The following TMEM230 variants were observed in gnomAD, a reference collection of about 807,000 sequenced individuals.
TMEM230 encodes the protein transmembrane protein 230.
In TMEM230, 10 loss-of-function variants were observed where a neutral mutation model predicts 15.8. The observed-to-expected ratio is 0.63, with a 90% CI of 0.39 to 1.07. The LOEUF (loss-of-function observed/expected upper bound fraction) is 1.07, where lower values mean the gene tolerates loss of function less well. Among genes scored for constraint, TMEM230 ranks in the 50% least tolerant of loss-of-function variants. TMEM230 has a pLI of 0.01. For synonymous variants in TMEM230, 67 were observed against 76.9 expected (o/e 0.87, Z 0.68); for missense variants, 165 against 193.3 (o/e 0.85, Z 0.87).
chr20:5,085,380 C>G (rs1413362943), intron 3 of TMEM230, among the ~76,000 whole-genome samples: 1 of 152,140 alleles, frequency 6.6e-6, no homozygotes, highest in East Asian at 1.9e-4. Flanking sequence ...CCTCTGCCTC[C>G]TGGATTCAAA....
intron 3 of TMEM230, among the ~76,000 whole-genome samples, chr20:5,071,684 A>G (rs1337462020): frequency 1.3e-5 from 2 of 152,022 alleles, no homozygotes; most frequent in East Asian, 3.9e-4. Context: ...CGTATATAGC[A>G]AGGTGAATAC....
At chr20:5,080,036 A>G (rs923569733) in intron 3 of TMEM230, among the ~76,000 whole-genome samples, 2 of 152,258 alleles carry the variant, frequency 1.3e-5, no homozygotes, top group African/African-American at 4.8e-5. Context: ...AAGCTGGGTT[A>G]CTATCTTCAG....
chr20:5,072,251 T>A (rs2088850641), intron 3 of TMEM230, among the ~76,000 whole-genome samples: 1 of 151,838 alleles, frequency 6.6e-6, no homozygotes, highest in Non-Finnish European at 1.5e-5. Flanking sequence ...GGGGCCTCAC[T>A]GTGTGGTCCA....
chr20:5,066,646 G>A (rs141155969), downstream of TMEM230, among the ~76,000 whole-genome samples: 963 of 145,362 alleles, frequency 6.6e-3, 10 homozygotes, highest in African/African-American at 0.024. Flanking sequence ...CAGCCTGGGC[G>A]ATAGAGCGAG....
chr20:5,077,308 AAAAAC>A (rs370223220), intron 3 of TMEM230, among the ~76,000 whole-genome samples: 436 of 152,202 alleles, frequency 2.9e-3, no homozygotes, highest in African/African-American at 9.8e-3. Context: ...ACCCTGTCTC[AAAAAC>A]AAAACAAAAC....
intron 2 of TMEM230, chr20:5,111,049 G>C (rs540328738): frequency 6.6e-6 from 1 of 152,068 alleles, no homozygotes; most frequent in African/African-American, 2.4e-5. Flanking sequence ...AGGTGCAGTG[G>C]CACACACCTG....
At chr20:5,090,692 C>T (rs893649074) in intron 3 of TMEM230, among the ~76,000 whole-genome samples, 1 of 151,812 alleles carries the variant, frequency 6.6e-6, no homozygotes, top group African/African-American at 2.4e-5. Flanking sequence ...CTATGAATAG[C>T]GTTTGTGTAT....
At chr20:5,065,433 A>G (rs890117851), downstream of TMEM230, among the ~76,000 whole-genome samples, 6 of 152,152 alleles carry the variant, frequency 3.9e-5, no homozygotes, top group African/African-American at 7.2e-5. Context: ...TGTGATTTCC[A>G]TGATCCATTT....
intron 4 of TMEM230, among the ~76,000 whole-genome samples, chr20:5,103,915 G>T (rs546176036): frequency 6.6e-6 from 1 of 151,974 alleles, no homozygotes; most frequent in African/African-American, 2.4e-5. Context: ...AAAAGCACAA[G>T]CAACCAAAAC....
chr20:5,078,850 T>A (rs965499136), intron 3 of TMEM230, among the ~76,000 whole-genome samples: 1 of 151,740 alleles, frequency 6.6e-6, no homozygotes, highest in East Asian at 2.0e-4. Context: ...ACTGCAGTGG[T>A]GTGATCATGG....
At chr20:5,093,269 A>T (rs942670339) in intron 3 of TMEM230, among the ~76,000 whole-genome samples, 2 of 152,218 alleles carry the variant, frequency 1.3e-5, no homozygotes, top group African/African-American at 4.8e-5. Flanking sequence ...GTTATTTTGT[A>T]GAGAGAGGGT....
intron 2 of TMEM230, among the ~76,000 whole-genome samples, chr20:5,110,803 G>A (rs1568510860): frequency 6.6e-6 from 1 of 152,208 alleles, no homozygotes; most frequent in Non-Finnish European, 1.5e-5. Flanking sequence ...AAAGCAGACA[G>A]CAGTAATGAA....
chr20:5,069,579 G>A (rs1308312540), intron 3 of TMEM230, among the ~76,000 whole-genome samples: 1 of 152,122 alleles, frequency 6.6e-6, no homozygotes, highest in Admixed American at 6.6e-5. Context: ...AGCAGACACC[G>A]ACATTTCCTT....
chr20:5,061,753 AAC>A, the TMEM230 span, among the ~76,000 whole-genome samples: 1 of 152,166 alleles, frequency 6.6e-6, no homozygotes, highest in Non-Finnish European at 1.5e-5. Context: ...GACCAATTTC[AAC>A]AATTGGCTAA....
chr20:5,111,892 G>T, intron 1 of TMEM230: 2 of 663,542 alleles, frequency 3.0e-6, no homozygotes, highest in Non-Finnish European at 3.7e-6. Context: ...TGTCACCCAG[G>T]CTAGAGTTTA....
chr20:5,104,319 A>G (rs965984244), intron 4 of TMEM230, among the ~76,000 whole-genome samples: 20 of 152,154 alleles, frequency 1.3e-4, no homozygotes, highest in African/African-American at 4.8e-4. Context: ...CTCGGCCTCC[A>G]AAAGTGCTGG....
rs1355221762 is a variant in TMEM230 at position 5,094,700 on chromosome 20, A to G, written c.222+11488T>C. ...CCAGCCTGGGACAGAGCTAGACTCC[A>G]TCTCAAAAAAAAAAAAAAAAAAAAA... On this transcript the variant is annotated intron_variant, in intron 3 of 3. Transcript: ENST00000612323. 1.6e-4 allele frequency among the ~76,000 whole-genome samples: 16 copies of G among 103,010 alleles called. No individual in the cohort carries two copies. In the Admixed American group the frequency reaches 1.7e-3, roughly 11 times the overall value. The allele number at this position is 103,010 out of a possible 152,430, so 67.6% of individuals were successfully genotyped here.
intron 2 of TMEM230, among the ~76,000 whole-genome samples, chr20:5,109,672 T>C (rs1312518554): frequency 6.6e-6 from 1 of 152,216 alleles, no homozygotes; most frequent in Non-Finnish European, 1.5e-5. Flanking sequence ...TCACTATGTA[T>C]TAAATATCTA....
At chr20:5,097,083 G>C (rs2089684946), downstream of TMEM230, among the ~76,000 whole-genome samples, 2 of 152,136 alleles carry the variant, frequency 1.3e-5, no homozygotes, top group African/African-American at 4.8e-5. Context: ...TCCCTTTTTA[G>C]AAACGAAAAG....
Sources: gnomAD v4.1 joint callset for allele counts (sites outside exome capture counted in the v4.1 genomes callset) on GRCh38, gnomAD v4.1.1 for gene constraint, MANE v1.5 for transcripts, NCBI Gene and HGNC (gene_info 2026-07-23, HGNC 2026-07-21) for gene names.